The following PHC2 variants were observed in gnomAD, a reference collection of about 807,000 sequenced individuals.
The protein encoded by PHC2 is polyhomeotic homolog 2, also known as polyhomeotic-like protein 2.
A neutral mutation model predicts 87.4 loss-of-function variants in PHC2; 29 were observed. The ratio of observed to expected loss-of-function variants is 0.33; its 90% confidence interval spans 0.25 to 0.45. The LOEUF is 0.45. Ranked by LOEUF, PHC2 falls within the 20% of genes least tolerant of loss-of-function variation. The probability of loss-of-function intolerance (pLI) is 1.00; values close to 1 mark genes in which losing one functional copy is unlikely to be tolerated. For missense variants in PHC2, 857 were observed against 1,136.7 expected (o/e 0.75, Z 3.54); for synonymous variants, 438 against 461.7 (o/e 0.95, Z 0.66).
At chr1:33,344,693 G>A (rs899205274) in intron 9 of PHC2, among the ~76,000 whole-genome samples, 4 of 152,148 alleles carry the variant, frequency 2.6e-5, no homozygotes, top group Admixed American at 2.6e-4. Context: ...AGCCTCGACT[G>A]TCCACACTTA....
chr1:33,328,805 G>A, intron 14 of PHC2, 65 bp downstream of exon 14: 1 of 1,475,464 alleles, frequency 6.8e-7, no homozygotes, highest in Non-Finnish European at 9.2e-7. Context: ...CCTGGTGGTG[G>A]GAGGGTCTCT....
chr1:33,396,584 A>T (rs1649304192), intron 1 of PHC2, among the ~76,000 whole-genome samples: 1 of 152,182 alleles, frequency 6.6e-6, no homozygotes, highest in African/African-American at 2.4e-5. Context: ...CATTAGGCAA[A>T]ATTGAATTTT....
At chr1:33,408,056 C>T (rs2148387627) in intron 1 of PHC2, among the ~76,000 whole-genome samples, 1 of 152,252 alleles carries the variant, frequency 6.6e-6, no homozygotes, top group East Asian at 1.9e-4. Flanking sequence ...TGGCCCAAGC[C>T]TATTTTATTA....
rs777603222 is a variant in PHC2 at position 33,372,355 on chromosome 1, CTGCAGCA to C, written c.260_266del (p.Met87ArgfsTer68). 1.9e-6 allele frequency: 3 copies of C among 1,605,700 alleles called. No individual in the cohort carries two copies. The African/African-American group carries it at 4.0e-5, about 22-fold the overall frequency. On this transcript the variant is annotated frameshift_variant, in exon 3 of 15. Transcript: ENST00000683057. LOFTEE classifies it high-confidence loss of function. ...GGTGCTGCTGCTGGAGCGCCGCGGTCTGCAGCATGAGGTGCTGCTGCTGGGCGGCGTA... is the reference window on the plus strand; with the variant it reads ...GGTGCTGCTGCTGGAGCGCCGCGGTCTGAGGTGCTGCTGCTGGGCGGCGTA...
rs375043378 is a variant in PHC2, at chr1:33,324,047, G to C, written c.*818C>G. ...AATGCTCTTTGTGAACCAGGAGGGCGGTCAGGGGAACTTCACAGTGCGGGG... is the reference window on the plus strand; with the variant it reads ...AATGCTCTTTGTGAACCAGGAGGGCCGTCAGGGGAACTTCACAGTGCGGGG... On this transcript the variant is annotated 3_prime_UTR_variant, in exon 15 of 15. Coordinates refer to ENST00000683057, the MANE Select transcript of PHC2 (RefSeq NM_001385109.1). The C allele has an allele frequency of 1.3e-5, 2 of 152,406 alleles. No individual in the cohort carries two copies. Among genetic ancestry groups the C allele is most frequent in the African/African-American group, 4.8e-5 (2 of 41,456 alleles). 9.4% of individuals were successfully genotyped at this position (152,406 alleles called of 1,614,324 possible).
chr1:33,387,115 CTTT>C (rs537417848), intron 1 of PHC2, among the ~76,000 whole-genome samples: 4 of 152,212 alleles, frequency 2.6e-5, no homozygotes, highest in Non-Finnish European at 5.9e-5. Flanking sequence ...TACTGGCCTT[CTTT>C]TTCTCTTCCT....
chr1:33,428,932 G>A (rs1570519617), intron 1 of PHC2, among the ~76,000 whole-genome samples: 1 of 152,134 alleles, frequency 6.6e-6, no homozygotes, highest in African/African-American at 2.4e-5. Flanking sequence ...TCTCAATCCT[G>A]GACTACTTGC....
At chr1:33,327,063 CAG>C (rs1247251028) in intron 14 of PHC2, among the ~76,000 whole-genome samples, 1 of 152,230 alleles carries the variant, frequency 6.6e-6, no homozygotes, top group Non-Finnish European at 1.5e-5. Flanking sequence ...AAGGAGAACT[CAG>C]AGGGCAGAAC....
At chr1:33,378,866 G>C (rs1648314071) in intron 1 of PHC2, among the ~76,000 whole-genome samples, 1 of 151,896 alleles carries the variant, frequency 6.6e-6, no homozygotes, top group African/African-American at 2.4e-5. Context: ...TGCTTGTAGA[G>C]TATACCCATT....
At chr1:33,355,365 CT>C (rs1647052114) in intron 7 of PHC2, 112 bp from the exon 8 acceptor site, 3 of 926,276 alleles carry the variant, frequency 3.2e-6, no homozygotes, top group Non-Finnish European at 4.7e-6. Flanking sequence ...AATTCAATGT[CT>C]CTTGTTTTCA....
In PHC2 at chr1:33,375,471, G is replaced by C; in HGVS notation, c.69C>G (p.Ala23=). The C allele has an allele frequency of 6.2e-7, 1 of 1,612,208 alleles. No homozygotes were observed. Among genetic ancestry groups the C allele is most frequent in the Non-Finnish European group, 8.5e-7 (1 of 1,179,126 alleles). ...TGTTGTTGCAGCCACTGCTGCTACT[G>C]GCCCCGCTGGTACTGCTGGTGGCAC... The part of the protein sequence containing the change: ...SACATSSTSG[A]SSSSGCNNSS... The change falls in exon 2 of 15, where the codon GCC becomes GCG. Residue 23 remains alanine (A), a synonymous_variant. Coordinates refer to ENST00000683057, the MANE Select transcript of PHC2 (RefSeq NM_001385109.1).
At chr1:33,338,901 G>C (rs548613961) in intron 9 of PHC2, among the ~76,000 whole-genome samples, 11 of 152,300 alleles carry the variant, frequency 7.2e-5, no homozygotes, top group Admixed American at 3.9e-4. Flanking sequence ...TAAAATCTTG[G>C]CCTTTAGTTG....
At chr1:33,340,321 C>T (rs1646719301) in intron 9 of PHC2, among the ~76,000 whole-genome samples, 1 of 152,168 alleles carries the variant, frequency 6.6e-6, no homozygotes, top group Non-Finnish European at 1.5e-5. Context: ...TCTCCAAGCC[C>T]CCAGCACTGA....
intron 1 of PHC2, among the ~76,000 whole-genome samples, chr1:33,406,930 A>G (rs1208339642): frequency 6.6e-6 from 1 of 151,992 alleles, no homozygotes; most frequent in African/African-American, 2.4e-5. Flanking sequence ...TCTTATTCTG[A>G]CCTGCATGTC....
At chr1:33,402,563 G>C (rs1016613184) in intron 1 of PHC2, among the ~76,000 whole-genome samples, 3 of 151,950 alleles carry the variant, frequency 2.0e-5, no homozygotes, top group Admixed American at 6.6e-5. Flanking sequence ...CCAATCAAAA[G>C]CAGAATGTAA....
intron 1 of PHC2, among the ~76,000 whole-genome samples, chr1:33,410,952 G>C (rs752566928): frequency 6.6e-6 from 1 of 152,016 alleles, no homozygotes; most frequent in Non-Finnish European, 1.5e-5. Context: ...CTAACTATGG[G>C]GGTCCTTGTT....
rs146338393 is a variant in PHC2 at position 33,417,690 on chromosome 1, C to T, written c.-55+13286G>A. On this transcript the variant is annotated intron_variant, in intron 1 of 14. Transcript: ENST00000683057. ...AGTTTACCATTATAGTTGGAGACTT[C>T]AATACTCCTCTCTTAGTAATTGATG... Among the ~76,000 whole-genome samples the T allele has an allele frequency of 1.6e-4, 25 of 152,092 alleles. No homozygotes were observed. The East Asian group carries it at 4.8e-3, about 29-fold the overall frequency.
intron 1 of PHC2, among the ~76,000 whole-genome samples, chr1:33,391,157 A>T (rs1329965515): frequency 6.6e-6 from 1 of 152,176 alleles, no homozygotes; most frequent in Non-Finnish European, 1.5e-5. Flanking sequence ...GGTTTGTTAA[A>T]ACAGAATGCT....
Position 33,329,012 on chromosome 1 carries a change from G to T in PHC2, c.2283C>A (p.Ser761=). The T allele has an allele frequency of 1.2e-6, 2 of 1,614,250 alleles. No individual in the cohort carries two copies. Among genetic ancestry groups the T allele is most frequent in the Non-Finnish European group, 1.7e-6 (2 of 1,180,044 alleles). ...GGTCCCGCTGGCCTTGTCGCCGGCG[G>T]GAAGTAGATGAGCTGGCTGAGATGG... is the stretch of plus-strand genomic sequence containing the variant. ...LSPISASSST[S]RRRQGQRDLE... is the part of the protein sequence containing the mutation. Residue 761 remains serine, a synonymous_variant, in exon 14 of 15, where the codon TCC becomes TCA. Coordinates refer to ENST00000683057, the MANE Select transcript of PHC2 (RefSeq NM_001385109.1).
Sources: allele counts gnomAD v4.1 joint callset (sites outside exome capture counted in the v4.1 genomes callset), GRCh38; gene constraint gnomAD v4.1.1; transcripts MANE v1.5; gene names NCBI Gene and HGNC (gene_info 2026-07-23, HGNC 2026-07-21).